INTS6: variants seen among roughly 807,000 people sequenced by gnomAD.
INTS6 encodes integrator complex subunit 6.
A neutral mutation model predicts 104.9 loss-of-function variants in INTS6; 16 were observed. That is an observed-to-expected ratio of 0.15 (90% CI 0.10 to 0.23). The LOEUF (loss-of-function observed/expected upper bound fraction) is 0.23, where lower values mean the gene tolerates loss of function less well. INTS6 is among the 10% of genes least tolerant of loss of function. The pLI, the probability that INTS6 is intolerant of heterozygous loss-of-function variation, is 1.00. For synonymous variants in INTS6, 324 were observed against 358.7 expected (o/e 0.90, Z 1.09); for missense variants, 584 against 1,062.8 (o/e 0.55, Z 6.26).
chr13:51,452,690 C>T lies in INTS6; in HGVS notation c.-165G>A, dbSNP rs1045825171. 2 of 1,385,192 alleles carry T rather than the reference C, an allele frequency of 1.4e-6. No homozygotes were observed. The highest frequency in any genetic ancestry group is 3.2e-5 in the East Asian group (1 of 30,776). 85.8% of individuals were successfully genotyped at this position (1,385,192 alleles called of 1,614,324 possible). ...CTCCGGCTGCGGGGAGTTTCTCCCCCGATAGTTGAGAGGAAACTCCCCAGA... is the reference window on the plus strand; with the variant it reads ...CTCCGGCTGCGGGGAGTTTCTCCCCTGATAGTTGAGAGGAAACTCCCCAGA... On this transcript the variant is annotated 5_prime_UTR_variant, in exon 1 of 18. Transcript: ENST00000311234. The surrounding 1 kb of genome is among the most constrained non-coding windows in gnomAD (Gnocchi z 4.2).
chr13:51,452,091 G>C lies in INTS6; in HGVS notation c.112-36C>G. 6.3e-7 allele frequency: 1 copy of C among 1,592,456 alleles called. No individual in the cohort carries two copies. The highest frequency in any genetic ancestry group is 1.1e-5 in the South Asian group (1 of 90,412). On this transcript the variant is annotated intron_variant, in intron 1 of 17. Coordinates refer to ENST00000311234, the MANE Select transcript of INTS6 (RefSeq NM_012141.3). The surrounding 1 kb of genome is among the most constrained non-coding windows in gnomAD (Gnocchi z 4.2). ...GGAGGAGGAACAGGGCGGGCGACAG[G>C]GAAGCACAGAGGCGAGGTTACGAGG...
chr13:51,374,930 G>T, intron 13 of INTS6, 134 bp from the exon 14 acceptor site: 1 of 876,332 alleles, frequency 1.1e-6, no homozygotes, highest in Non-Finnish European at 1.7e-6. Context: ...TTTGTTTGGT[G>T]CAATTATAAC....
At chr13:51,379,211 C>G (rs534587535) in intron 11 of INTS6, among the ~76,000 whole-genome samples, 1 of 151,564 alleles carries the variant, frequency 6.6e-6, no homozygotes, top group African/African-American at 2.4e-5. Flanking sequence ...TCACATATAG[C>G]AAGTCTAGGA....
At chr13:51,427,998 TTTAAGCTAGAAGA>T (rs1167401753) in intron 4 of INTS6, among the ~76,000 whole-genome samples, 1 of 152,202 alleles carries the variant, frequency 6.6e-6, no homozygotes, top group African/African-American at 2.4e-5. Flanking sequence ...TCAAGATATT[TTTAAGCTAGAAGA>T]GGTCTCCACA....
At chr13:51,348,136 C>T in the INTS6 span, 2 of 1,130,470 alleles carry the variant, frequency 1.8e-6, no homozygotes, top group Non-Finnish European at 2.5e-6. Context: ...TCTGAGCCAG[C>T]CTCTCTCAGG....
chr13:51,363,899 A>G lies in INTS6; in HGVS notation c.*1853T>C, dbSNP rs538528639. 8.4e-5 allele frequency: 14 copies of G among 167,646 alleles called. No homozygotes were observed. Among genetic ancestry groups the G allele is most frequent in the Non-Finnish European group, 1.8e-4 (14 of 78,888 alleles). 10.4% of individuals were successfully genotyped at this position (167,646 alleles called of 1,614,324 possible). A position where few individuals can be genotyped will look rare whatever the true frequency, so the allele number is the denominator to read the frequency against. On this transcript the variant is annotated 3_prime_UTR_variant, in exon 18 of 18. Coordinates refer to ENST00000311234, the MANE Select transcript of INTS6 (RefSeq NM_012141.3). ...GGTCATGAGCAATCTGTGAAACAGA[A>G]AATAAAACTTTCTGATAAGGAAAGC...
At chr13:51,348,168 C>T in the INTS6 span, 3 of 1,460,542 alleles carry the variant, frequency 2.1e-6, no homozygotes, top group South Asian at 2.5e-5. Context: ...GTTCATTCTC[C>T]TGGCTCCTGG....
the INTS6 span, chr13:51,348,104 T>C: frequency 1.3e-6 from 1 of 793,290 alleles, no homozygotes; most frequent in South Asian, 1.8e-5. Flanking sequence ...AGGTGGATGC[T>C]CGGTTTTATT....
chr13:51,359,445 G>C (rs1955528585), downstream of INTS6, among the ~76,000 whole-genome samples: 1 of 152,048 alleles, frequency 6.6e-6, no homozygotes, highest in Non-Finnish European at 1.5e-5. Flanking sequence ...TTGGTTTATG[G>C]CTGTGCAAAC....
intron 4 of INTS6, among the ~76,000 whole-genome samples, chr13:51,413,137 GT>G (rs1245121658): frequency 1.3e-5 from 2 of 152,158 alleles, no homozygotes; most frequent in Admixed American, 1.3e-4. Flanking sequence ...CAGTCAGACA[GT>G]AAGCAAATAA....
chr13:51,376,226 G>C, intron 12 of INTS6, 52 bp from the exon 13 acceptor site: 1 of 1,481,768 alleles, frequency 6.7e-7, no homozygotes, highest in South Asian at 1.3e-5. Flanking sequence ...AGAATTACAA[G>C]AGACTAAAAT....
At chr13:51,412,982 T>G (rs1338843231) in intron 4 of INTS6, among the ~76,000 whole-genome samples, 2 of 152,150 alleles carry the variant, frequency 1.3e-5, no homozygotes, top group African/African-American at 4.8e-5. Context: ...AAATGCGAAA[T>G]TTCGTGATAT....
chr13:51,345,660 AG>A, the INTS6 span, among the ~76,000 whole-genome samples: 4 of 152,004 alleles, frequency 2.6e-5, no homozygotes, highest in African/African-American at 9.7e-5. Flanking sequence ...AATGGAAAAC[AG>A]TAAGTGTGTG....
downstream of INTS6, among the ~76,000 whole-genome samples, chr13:51,359,259 A>C (rs1007660364): frequency 6.6e-6 from 1 of 152,096 alleles, no homozygotes; most frequent in Non-Finnish European, 1.5e-5. Context: ...ATAGCTACTC[A>C]ATAAAAAATA....
chr13:51,398,007 C>G (rs1317951063), intron 4 of INTS6, among the ~76,000 whole-genome samples: 1 of 151,958 alleles, frequency 6.6e-6, no homozygotes, highest in Admixed American at 6.6e-5. Context: ...ATAGCTATAT[C>G]AATTTTATAA....
rs115335090 is a variant in INTS6 at position 51,415,766 on chromosome 13, T to G, written c.429+14528A>C. Among the ~76,000 whole-genome samples, 704 of 152,314 alleles carry G rather than the reference T, an allele frequency of 4.6e-3. 2 individuals are homozygous for G. Among genetic ancestry groups the G allele is most frequent in the African/African-American group, 0.015 (616 of 41,560 alleles). On this transcript the variant is annotated intron_variant, in intron 4 of 17. Transcript: ENST00000311234. ...ATTTGACAAACTATTTGAGAGTAAG[T>G]TGAGTCACCAAGCCTTTTAGGCCAA...
At chr13:51,449,896 G>A in intron 3 of INTS6, 4 of 985,086 alleles carry the variant, frequency 4.1e-6, no homozygotes, top group Non-Finnish European at 4.8e-6. Flanking sequence ...AGTTCAATTT[G>A]GTAAGCTCAC....
At chr13:51,403,278 T>C (rs1181333156) in intron 4 of INTS6, among the ~76,000 whole-genome samples, 1 of 152,172 alleles carries the variant, frequency 6.6e-6, no homozygotes, top group Non-Finnish European at 1.5e-5. Context: ...AGGACTGATC[T>C]GTACCAACAC....
chr13:51,399,355 T>G (rs1956394330), intron 4 of INTS6, among the ~76,000 whole-genome samples: 2 of 152,148 alleles, frequency 1.3e-5, no homozygotes, highest in Admixed American at 1.3e-4. Context: ...TACAGGCACG[T>G]GCCACCACAC....
Sources: gnomAD v4.1 joint callset for allele counts (sites outside exome capture counted in the v4.1 genomes callset) on GRCh38, gnomAD v4.1.1 for gene constraint, Gnocchi (gnomAD v3.1) non-coding constraint, MANE v1.5 for transcripts, NCBI Gene and HGNC (gene_info 2026-07-23, HGNC 2026-07-21) for gene names.